The following LAMA2 variants were observed in gnomAD, a reference collection of about 807,000 sequenced individuals.
The protein encoded by LAMA2 is laminin subunit alpha-2.
A neutral mutation model predicts 364.8 loss-of-function variants in LAMA2; 269 were observed. The ratio of observed to expected loss-of-function variants is 0.74; its 90% CI spans 0.67 to 0.82. LAMA2 has a LOEUF of 0.82. Ranked by LOEUF, LAMA2 falls within the 40% of genes least tolerant of loss-of-function variation. The probability of loss-of-function intolerance (pLI) is 0.00; values close to 1 mark genes in which losing one functional copy is unlikely to be tolerated. For synonymous variants in LAMA2, 1,379 were observed against 1,370.6 expected (o/e 1.01, Z -0.14); for missense variants, 3,807 against 3,873.2 (o/e 0.98, Z 0.45).
rs111628688 is a variant in LAMA2 at position 129,077,963 on chromosome 6, G to A, written c.396+18067G>A. Among the ~76,000 whole-genome samples the A allele has an allele frequency of 9.1e-3, 1,388 of 152,222 alleles. 11 individuals carry two copies. The highest frequency in any genetic ancestry group is 0.017 in the South Asian group (80 of 4,812). ...GATGGGTACATGTCCAAACCCGCAG[G>A]ACGTGCAAGGCCAAGAGTGAAGCCG... On this transcript the variant is annotated intron_variant, in intron 3 of 64. Coordinates refer to ENST00000421865, the MANE Select transcript of LAMA2 (RefSeq NM_000426.4).
intron 1 of LAMA2, among the ~76,000 whole-genome samples, chr6:128,910,951 G>T (rs1057095237): frequency 1.4e-4 from 21 of 151,390 alleles, no homozygotes; most frequent in Admixed American, 3.3e-4. Flanking sequence ...GGCTGCTCGG[G>T]GGTCAGGGGT....
At chr6:128,931,046 G>T (rs1029330440) in intron 1 of LAMA2, among the ~76,000 whole-genome samples, 1 of 152,072 alleles carries the variant, frequency 6.6e-6, no homozygotes, top group Non-Finnish European at 1.5e-5. Context: ...AAAAAAAAGG[G>T]ACAAGAAACA....
intron 9 of LAMA2, among the ~76,000 whole-genome samples, chr6:129,175,816 T>G (rs763420495): frequency 1.3e-5 from 2 of 152,056 alleles, no homozygotes; most frequent in Non-Finnish European, 2.9e-5. Context: ...GTTCTGCACA[T>G]GTATTCCAGA....
At chr6:129,339,933 G>A (rs1776164503) in intron 29 of LAMA2, among the ~76,000 whole-genome samples, 1 of 151,708 alleles carries the variant, frequency 6.6e-6, no homozygotes, top group Non-Finnish European at 1.5e-5. Flanking sequence ...AACCTGGGAG[G>A]CAGAGGTTGC....
intron 2 of LAMA2, among the ~76,000 whole-genome samples, chr6:129,051,405 C>T (rs1582944962): frequency 1.4e-5 from 2 of 147,472 alleles, no homozygotes; most frequent in South Asian, 2.1e-4. Context: ...CGCCATCTCC[C>T]GGGTTCAAGC....
At chr6:129,415,945 C>CTTT (rs952225363) in intron 40 of LAMA2, among the ~76,000 whole-genome samples, 22 of 33,698 alleles carry the variant, frequency 6.5e-4, no homozygotes, top group East Asian at 2.1e-3. Context: ...CACTTTCTTT[C>CTTT]TTTTTTTTTT....
chr6:129,242,131 A>G (rs992407770), intron 12 of LAMA2, among the ~76,000 whole-genome samples: 3 of 152,182 alleles, frequency 2.0e-5, no homozygotes, highest in Admixed American at 6.5e-5. Context: ...AGGATTGCCT[A>G]CAAGGCAAGA....
chr6:129,105,905 T>A (rs944121054), intron 4 of LAMA2, among the ~76,000 whole-genome samples: 9 of 152,208 alleles, frequency 5.9e-5, no homozygotes, highest in African/African-American at 2.2e-4. Flanking sequence ...CATTATTGCT[T>A]TTAATTTATT....
At chr6:129,292,670 G>C (rs1789794456) in intron 20 of LAMA2, 1 of 313,052 alleles carries the variant, frequency 3.2e-6, no homozygotes, top group African/African-American at 2.3e-5. Flanking sequence ...AGACAGCTAA[G>C]CAGAAGCAAG....
chr6:129,249,341 A>G (rs1169874386), intron 12 of LAMA2, among the ~76,000 whole-genome samples: 1 of 152,192 alleles, frequency 6.6e-6, no homozygotes, highest in East Asian at 1.9e-4. Flanking sequence ...TGTCACTCAC[A>G]GCTTCAATTT....
intron 43 of LAMA2, 37 bp downstream of exon 43, chr6:129,441,035 T>C (rs780979441): frequency 7.0e-6 from 11 of 1,560,964 alleles, no homozygotes; most frequent in Non-Finnish European, 7.9e-6. Context: ...ATGTCATTTA[T>C]TTCCTCTCAC....
intron 5 of LAMA2, among the ~76,000 whole-genome samples, chr6:129,145,519 A>G (rs543647401): frequency 6.6e-6 from 1 of 152,124 alleles, no homozygotes; most frequent in Admixed American, 6.6e-5. Context: ...ACCAAGGAAG[A>G]CTGGTGTGAA....
chr6:129,191,584 A>G (rs186717429), intron 11 of LAMA2, among the ~76,000 whole-genome samples: 16 of 152,330 alleles, frequency 1.1e-4, no homozygotes, highest in African/African-American at 3.1e-4. Context: ...CTGTCTTACA[A>G]TGCCTCAAGG....
Position 129,336,337 on chromosome 6 carries a change from A to G in LAMA2, c.4312-6006A>G, listed in dbSNP as rs528427786. 4.6e-5 allele frequency among the ~76,000 whole-genome samples: 7 copies of G among 152,308 alleles called. No individual in the cohort carries two copies. In the South Asian group the frequency reaches 1.5e-3, roughly 32 times the overall value. ...GTTCATTCAAAATAACACATATCAAACTAAGTGCTAGGTTTACTGTATATA... is the reference window on the plus strand; with the variant it reads ...GTTCATTCAAAATAACACATATCAAGCTAAGTGCTAGGTTTACTGTATATA... On this transcript the variant is annotated intron_variant, in intron 29 of 64. Coordinates refer to ENST00000421865, the MANE Select transcript of LAMA2 (RefSeq NM_000426.4).
chr6:129,096,047 C>G (rs1775165684), intron 3 of LAMA2, among the ~76,000 whole-genome samples: 1 of 152,078 alleles, frequency 6.6e-6, no homozygotes, highest in Non-Finnish European at 1.5e-5. Context: ...TAGTTAGGAC[C>G]AAGATATTTC....
intron 4 of LAMA2, among the ~76,000 whole-genome samples, chr6:129,101,152 A>G (rs1401536309): frequency 1.3e-5 from 2 of 152,192 alleles, no homozygotes; most frequent in East Asian, 1.9e-4. Context: ...ACATGATTGC[A>G]TAAGTACTGT....
Position 129,165,642 on chromosome 6 carries a change from G to C in LAMA2, c.1273G>C (p.Val425Leu). ...CGATCCAATTGGTTCCTTAAATGAA[G>C]TCTGTGTCAAGGATGAGAAACATGC... The part of the protein sequence containing the change: ...HCDPIGSLNE[V>L]CVKDEKHARR... The change falls in exon 9 of 65, where the codon GTC becomes CTC. Residue 425 changes from valine to leucine, a missense_variant. Val to Leu is a conservative substitution (Grantham distance 32). This residue lies in a region of LAMA2 where 3,333 missense variants were observed against 3,345.7 expected (regional missense o/e 1.00). Transcript: ENST00000421865. 2 of 1,613,122 alleles carry C rather than the reference G, an allele frequency of 1.2e-6. No homozygotes were observed. Among genetic ancestry groups the C allele is most frequent in the Non-Finnish European group, 1.7e-6 (2 of 1,179,338 alleles).
At chr6:129,014,026 G>A (rs539771999) in intron 1 of LAMA2, among the ~76,000 whole-genome samples, 6 of 152,284 alleles carry the variant, frequency 3.9e-5, no homozygotes, top group African/African-American at 1.4e-4. Flanking sequence ...GGCAGTTAGA[G>A]AAGGAAAATC....
At chr6:129,365,175 GC>G (rs1415396806) in intron 32 of LAMA2, among the ~76,000 whole-genome samples, 1 of 152,128 alleles carries the variant, frequency 6.6e-6, no homozygotes. Flanking sequence ...AGTTTTTCTA[GC>G]CTTTAGCAAT....
Sources: gnomAD v4.1 joint callset for allele counts (sites outside exome capture counted in the v4.1 genomes callset) on GRCh38, gnomAD v4.1.1 for gene constraint, gnomAD v4.1.1 regional missense constraint, MANE v1.5 for transcripts, NCBI Gene and HGNC (gene_info 2026-07-23, HGNC 2026-07-21) for gene names.